The following CDH23 variants were observed in gnomAD, a reference collection of about 807,000 sequenced individuals.
CDH23 encodes cadherin-23.
In CDH23, 189 loss-of-function variants were observed where a neutral mutation model predicts 317.1. That is an observed-to-expected ratio of 0.60 (90% CI 0.53 to 0.67). The LOEUF is 0.67. Ranked by LOEUF, CDH23 falls within the 30% of genes least tolerant of loss-of-function variation. CDH23 has a pLI of 0.00. For synonymous variants in CDH23, 1,839 were observed against 1,876.8 expected (o/e 0.98, Z 0.52); for missense variants, 4,401 against 4,592.4 (o/e 0.96, Z 1.20).
intron 6 of CDH23, among the ~76,000 whole-genome samples, chr10:71,551,337 C>A (rs954351693): frequency 1.9e-4 from 29 of 152,126 alleles, no homozygotes; most frequent in African/African-American, 7.0e-4. Flanking sequence ...GGGGGAAGGT[C>A]AGGGTGCCCT....
intron 42 of CDH23, 150 bp downstream of exon 42, chr10:71,784,570 C>A: frequency 9.4e-7 from 1 of 1,059,052 alleles, no homozygotes; most frequent in Non-Finnish European, 1.3e-6. Context: ...CTTAATAGAC[C>A]TCTCGCCACA....
chr10:71,782,828 C>A (rs1564791132), intron 41 of CDH23, among the ~76,000 whole-genome samples: 2 of 152,252 alleles, frequency 1.3e-5, no homozygotes, highest in Non-Finnish European at 2.9e-5. Context: ...GCTTCCACCC[C>A]CCAGGCAGGG....
chr10:71,520,725 A>G (rs1359631015), intron 6 of CDH23, among the ~76,000 whole-genome samples: 4 of 152,346 alleles, frequency 2.6e-5, no homozygotes, highest in African/African-American at 7.2e-5. Flanking sequence ...ATCAGCCACC[A>G]GCACACTGCT....
chr10:71,627,487 T>C (rs530682830), intron 11 of CDH23, among the ~76,000 whole-genome samples: 1 of 152,306 alleles, frequency 6.6e-6, no homozygotes, highest in African/African-American at 2.4e-5. Context: ...GGGTGGCCTC[T>C]GCCATGAGTC....
intron 38 of CDH23, among the ~76,000 whole-genome samples, chr10:71,759,640 C>G (rs559387231): frequency 6.6e-6 from 1 of 151,944 alleles, no homozygotes; most frequent in Admixed American, 6.6e-5. Context: ...AACCCCAGCT[C>G]CACTAAAAAT....
rs761539547 is a variant in CDH23, at chr10:71,566,809, G to A, written c.497G>A (p.Ser166Asn). Residue 166 changes from serine (S) to asparagine (N), a missense_variant, in exon 7 of 70, where the codon AGC becomes AAC. Physicochemically the swap from Ser to Asn is conservative, Grantham distance 46. This residue lies in a region of CDH23 where 3,068 missense variants were observed against 3,203.3 expected (regional missense o/e 0.96). Coordinates refer to ENST00000224721, the MANE Select transcript of CDH23 (RefSeq NM_022124.6). ...GACCCCGACTTGGGGGCAGGGGGCA[G>A]CGTCCTCTACTCCTTCCAGCCCCCC... ...ATDPDLGAGG[S>N]VLYSFQPPSQ... 2 of 1,613,726 alleles carry A rather than the reference G, an allele frequency of 1.2e-6. No homozygotes were observed. The highest frequency in any genetic ancestry group is 1.7e-6 in the Non-Finnish European group (2 of 1,179,662).
chr10:71,404,296 T>A (rs1021539867), intron 1 of CDH23, among the ~76,000 whole-genome samples: 1 of 152,200 alleles, frequency 6.6e-6, no homozygotes. Flanking sequence ...CAGAAGTAAC[T>A]ACTCTTCTGA....
intron 30 of CDH23, among the ~76,000 whole-genome samples, chr10:71,729,836 A>AT (rs1202953738): frequency 6.6e-6 from 1 of 151,430 alleles, no homozygotes; most frequent in Non-Finnish European, 1.5e-5. Context: ...TTTTATTATT[A>AT]TTAATTTTTT....
At chr10:71,739,598 C>A in intron 35 of CDH23, 46 bp from the exon 36 acceptor site, 1 of 1,597,376 alleles carries the variant, frequency 6.3e-7, no homozygotes, top group South Asian at 1.1e-5. Flanking sequence ...ACCTGGCCAC[C>A]TCTCCTCCAC....
intron 3 of CDH23, among the ~76,000 whole-genome samples, chr10:71,476,376 T>A (rs145472878): frequency 2.6e-5 from 4 of 152,162 alleles, no homozygotes; most frequent in Non-Finnish European, 4.4e-5. Context: ...GGCTTCTCAC[T>A]GTATTGAGAA....
chr10:71,700,443 A>G (rs1300380671), intron 22 of CDH23, among the ~76,000 whole-genome samples: 1 of 152,236 alleles, frequency 6.6e-6, no homozygotes, highest in Non-Finnish European at 1.5e-5. Flanking sequence ...TAGAAACACA[A>G]GGAATGCTGG....
intron 1 of CDH23, among the ~76,000 whole-genome samples, chr10:71,425,660 G>C (rs1347747616): frequency 6.6e-6 from 1 of 152,194 alleles, no homozygotes; most frequent in African/African-American, 2.4e-5. Flanking sequence ...AGCCTGCATG[G>C]GGTTCTGTGC....
intron 6 of CDH23, among the ~76,000 whole-genome samples, chr10:71,557,877 C>T (rs1213392747): frequency 1.3e-5 from 2 of 152,170 alleles, no homozygotes; most frequent in African/African-American, 4.8e-5. Flanking sequence ...CAGTATGAGT[C>T]TTTCTTCTGA....
chr10:71,482,768 G>A (rs781490814), intron 3 of CDH23, among the ~76,000 whole-genome samples: 17 of 152,224 alleles, frequency 1.1e-4, no homozygotes, highest in African/African-American at 1.7e-4. Flanking sequence ...TGGCTCATCC[G>A]GAGGAAGCAG....
intron 38 of CDH23, among the ~76,000 whole-genome samples, chr10:71,766,877 C>T (rs1840559118): frequency 6.6e-6 from 1 of 152,218 alleles, no homozygotes; most frequent in Admixed American, 6.5e-5. Flanking sequence ...GATGCCTCAT[C>T]CTTCAGCTAT....
intron 11 of CDH23, among the ~76,000 whole-genome samples, chr10:71,628,276 T>C (rs972859146): frequency 6.6e-6 from 1 of 152,242 alleles, no homozygotes; most frequent in Non-Finnish European, 1.5e-5. Flanking sequence ...TGGGCTCTGC[T>C]TGCCCAGGCG....
intron 3 of CDH23, among the ~76,000 whole-genome samples, chr10:71,501,065 A>G (rs1853304344): frequency 6.6e-6 from 1 of 151,820 alleles, no homozygotes. Flanking sequence ...ACGGGGTTTA[A>G]CCATGTTGGC....
At chr10:71,773,360 A>C in intron 38 of CDH23, 1 of 1,607,098 alleles carries the variant, frequency 6.2e-7, no homozygotes, top group Non-Finnish European at 8.5e-7. Flanking sequence ...GACCTTACCT[A>C]GGGACGCAGC....
intron 38 of CDH23, chr10:71,755,347 A>G: frequency 1.2e-6 from 2 of 1,607,064 alleles, no homozygotes; most frequent in Non-Finnish European, 1.7e-6. Context: ...CCAGGCAGGG[A>G]GGAATACTCA....
Sources: gnomAD v4.1 joint callset for allele counts (sites outside exome capture counted in the v4.1 genomes callset) on GRCh38, gnomAD v4.1.1 for gene constraint, gnomAD v4.1.1 regional missense constraint, MANE v1.5 for transcripts, NCBI Gene and HGNC (gene_info 2026-07-23, HGNC 2026-07-21) for gene names.